Variants in CSMD1 observed in about 807,000 individuals in gnomAD.
The protein encoded by CSMD1 is CUB and sushi domain-containing protein 1.
Under a neutral mutation model 417.5 loss-of-function variants are expected in CSMD1, and 213 were observed. That is an observed-to-expected ratio of 0.51 (90% CI 0.46 to 0.57). CSMD1 has a LOEUF of 0.57. Among genes scored for constraint, CSMD1 ranks in the 20% least tolerant of loss-of-function variants. The probability of loss-of-function intolerance (pLI) is 0.00; values close to 1 mark genes in which losing one functional copy is unlikely to be tolerated. For missense variants in CSMD1, 6,923 were observed against 4,529.7 expected, an observed-to-expected ratio of 1.53 and a Z score of -15.17; for synonymous variants, 2,862 against 1,736.8, an observed-to-expected ratio of 1.65 and a Z score of -16.11.
At chr8:4,943,009 G>T (rs1027385789) in intron 1 of CSMD1, among the ~76,000 whole-genome samples, 1 of 152,172 alleles carries the variant, frequency 6.6e-6, no homozygotes, top group Admixed American at 6.5e-5. Context: ...GGACTCTGTT[G>T]AGAGTATGGC....
chr8:3,390,182 C>G (rs187937636), intron 17 of CSMD1, among the ~76,000 whole-genome samples: 163 of 151,802 alleles, frequency 1.1e-3, no homozygotes, highest in African/African-American at 3.6e-3. Flanking sequence ...TGATGAAAAC[C>G]TGTCTCTGCT....
At chr8:3,354,920 T>C (rs1585044179) in intron 21 of CSMD1, among the ~76,000 whole-genome samples, 2 of 151,218 alleles carry the variant, frequency 1.3e-5, no homozygotes, top group South Asian at 4.2e-4. Flanking sequence ...TAGATATGTC[T>C]ATCTATAGAT....
chr8:3,951,265 T>C lies in CSMD1; in HGVS notation c.818+46638A>G, dbSNP rs142287074. 3.3e-5 allele frequency among the ~76,000 whole-genome samples: 5 copies of C among 152,202 alleles called. No individual in the cohort carries two copies. The East Asian group carries it at 5.8e-4, about 18-fold the overall frequency. ...TGACGGTGACTGAGGCCAGAGTGGA[T>C]TTCCTCCTCAGCCCTGGCCCACCTT... On this transcript the variant is annotated intron_variant, in intron 5 of 69. Transcript: ENST00000635120.
intron 25 of CSMD1, among the ~76,000 whole-genome samples, chr8:3,294,856 A>C (rs1008271866): frequency 5.3e-5 from 8 of 152,046 alleles, no homozygotes; most frequent in African/African-American, 1.4e-4. Context: ...GACACTCCCC[A>C]GTGAGATGTA....
In CSMD1 at chr8:3,581,248, G is replaced by C. The variant is rs114392456; in HGVS notation, c.1222+4888C>G. On this transcript the variant is annotated intron_variant, in intron 9 of 69. Coordinates refer to ENST00000635120, the MANE Select transcript of CSMD1 (RefSeq NM_033225.6). ...TGCTTATTTTAAAAATCTACTGCCA[G>C]TTAAAGATACTCATACAGTTTTAAA... Among the ~76,000 whole-genome samples, 743 of 152,268 alleles carry C rather than the reference G, an allele frequency of 4.9e-3. 3 individuals are homozygous for C. Among genetic ancestry groups the C allele is most frequent in the African/African-American group, 0.017 (705 of 41,542 alleles).
At chr8:4,242,462 T>C (rs1802458896) in intron 3 of CSMD1, among the ~76,000 whole-genome samples, 1 of 152,210 alleles carries the variant, frequency 6.6e-6, no homozygotes, top group Admixed American at 6.5e-5. Context: ...ACTATTGTTG[T>C]GAGCATAAAT....
intron 49 of CSMD1, among the ~76,000 whole-genome samples, chr8:3,086,561 G>C (rs1814547255): frequency 6.6e-6 from 1 of 151,980 alleles, no homozygotes; most frequent in East Asian, 1.9e-4. Context: ...TGACTTCAAA[G>C]CCTTCAATTA....
intron 23 of CSMD1, among the ~76,000 whole-genome samples, chr8:3,339,279 C>A (rs554444780): frequency 6.6e-6 from 1 of 152,032 alleles, no homozygotes; most frequent in African/African-American, 2.4e-5. Context: ...AATTCCTCAT[C>A]CATTTTCACA....
At chr8:4,393,964 T>C (rs915883625) in intron 3 of CSMD1, among the ~76,000 whole-genome samples, 3 of 152,206 alleles carry the variant, frequency 2.0e-5, no homozygotes, top group Non-Finnish European at 4.4e-5. Context: ...TAACGCAGAA[T>C]ATGCCATTTG....
intron 3 of CSMD1, among the ~76,000 whole-genome samples, chr8:4,418,137 T>C (rs941934707): frequency 6.6e-6 from 1 of 152,060 alleles, no homozygotes; most frequent in African/African-American, 2.4e-5. Context: ...ACAGGTTTTT[T>C]TCTTTTAAAT....
intron 5 of CSMD1, among the ~76,000 whole-genome samples, chr8:3,817,320 A>T (rs1335381005): frequency 2.7e-5 from 3 of 111,414 alleles, no homozygotes; most frequent in African/African-American, 1.1e-4. Context: ...TCGCTGTGTC[A>T]CCCAGGCTGG....
chr8:4,370,106 T>C (rs1802313398), intron 3 of CSMD1, among the ~76,000 whole-genome samples: 1 of 152,206 alleles, frequency 6.6e-6, no homozygotes, highest in Non-Finnish European at 1.5e-5. Flanking sequence ...ATATTTAGCA[T>C]GCCTTTTAGA....
At chr8:3,898,059 C>T (rs1584930794) in intron 5 of CSMD1, among the ~76,000 whole-genome samples, 1 of 152,162 alleles carries the variant, frequency 6.6e-6, no homozygotes, top group Admixed American at 6.5e-5. Flanking sequence ...TATGTACTTA[C>T]AAACAAGGTA....
At chr8:3,259,763 G>T (rs1337234064) in intron 26 of CSMD1, among the ~76,000 whole-genome samples, 1 of 152,140 alleles carries the variant, frequency 6.6e-6, no homozygotes, top group East Asian at 1.9e-4. Flanking sequence ...ACATGAGTTG[G>T]CAAACTGTAT....
intron 23 of CSMD1, among the ~76,000 whole-genome samples, chr8:3,311,070 A>T (rs1410978466): frequency 6.8e-6 from 1 of 148,044 alleles, no homozygotes; most frequent in Non-Finnish European, 1.5e-5. Context: ...GAAATACCTT[A>T]AGCAGAAAAT....
At chr8:3,431,869 G>C (rs1202095111) in intron 12 of CSMD1, among the ~76,000 whole-genome samples, 1 of 152,170 alleles carries the variant, frequency 6.6e-6, no homozygotes, top group Non-Finnish European at 1.5e-5. Context: ...CGCCCACAGT[G>C]AGATAAGATA....
At chr8:4,650,926 T>G (rs1009721065) in intron 1 of CSMD1, among the ~76,000 whole-genome samples, 4 of 152,220 alleles carry the variant, frequency 2.6e-5, no homozygotes, top group African/African-American at 9.6e-5. Context: ...TTATTTGCCT[T>G]GCTTTAACCA....
At chr8:3,385,412 G>A (rs867502159) in intron 18 of CSMD1, among the ~76,000 whole-genome samples, 1 of 151,128 alleles carries the variant, frequency 6.6e-6, no homozygotes, top group Non-Finnish European at 1.5e-5. Flanking sequence ...GAAATCTATT[G>A]ACCTGTTATC....
At chr8:4,924,589 G>A (rs1280210923) in intron 1 of CSMD1, among the ~76,000 whole-genome samples, 1 of 151,858 alleles carries the variant, frequency 6.6e-6, no homozygotes, top group Admixed American at 6.6e-5. Flanking sequence ...TGGTGTGGTG[G>A]CCCGTGCCTG....
Sources: gnomAD v4.1 joint callset for allele counts (sites outside exome capture counted in the v4.1 genomes callset) on GRCh38, gnomAD v4.1.1 for gene constraint, MANE v1.5 for transcripts, NCBI Gene and HGNC (gene_info 2026-07-23, HGNC 2026-07-21) for gene names.